The following LYPLAL1 variants were observed in gnomAD, a reference collection of about 807,000 sequenced individuals.
LYPLAL1 encodes lysophospholipase like 1, also known as lysophospholipase-like protein 1.
A neutral mutation model predicts 19.7 loss-of-function variants in LYPLAL1; 23 were observed. The observed-to-expected ratio is 1.17, with a 90% confidence interval of 0.84 to 1.65. The LOEUF is 1.65. Ranked by LOEUF, LYPLAL1 falls within the 40% of genes most tolerant of loss-of-function variation. The pLI is 0.00. For missense variants in LYPLAL1, 355 were observed against 279.4 expected (o/e 1.27, Z -1.93); for synonymous variants, 119 against 96.3 (o/e 1.24, Z -1.38).
the LYPLAL1 span, among the ~76,000 whole-genome samples, chr1:219,404,189 C>T: frequency 3.3e-5 from 5 of 152,104 alleles, no homozygotes; most frequent in African/African-American, 1.2e-4. Flanking sequence ...ATTCTCATGA[C>T]CTTATCTAAA....
chr1:219,284,922 A>G, the LYPLAL1 span, among the ~76,000 whole-genome samples: 2 of 152,248 alleles, frequency 1.3e-5, no homozygotes, highest in Non-Finnish European at 2.9e-5. Context: ...ATGCATTTGA[A>G]TATGAATTTT....
the LYPLAL1 span, among the ~76,000 whole-genome samples, chr1:219,317,045 TTATGTTATAGG>T: frequency 1.3e-5 from 2 of 152,334 alleles, no homozygotes; most frequent in African/African-American, 4.8e-5. Context: ...ATGGTCAATT[TTATGTTATAGG>T]TATTTTACCA....
the LYPLAL1 span, among the ~76,000 whole-genome samples, chr1:219,375,382 C>G: frequency 6.7e-6 from 1 of 150,342 alleles, no homozygotes; most frequent in Non-Finnish European, 1.5e-5. Context: ...AGGAGAATTG[C>G]TTGAACCCGG....
intron 2 of LYPLAL1, among the ~76,000 whole-genome samples, chr1:219,181,625 G>T (rs762229135): frequency 1.3e-5 from 2 of 152,178 alleles, no homozygotes; most frequent in Non-Finnish European, 2.9e-5. Flanking sequence ...AAGTGTGAGG[G>T]TGTGCAAGAA....
the LYPLAL1 span, among the ~76,000 whole-genome samples, chr1:219,289,660 TTC>T: frequency 6.6e-6 from 1 of 152,212 alleles, no homozygotes; most frequent in African/African-American, 2.4e-5. Flanking sequence ...TTCACCCACA[TTC>T]TGTTTTAGAT....
chr1:219,280,501 G>A, the LYPLAL1 span, among the ~76,000 whole-genome samples: 1 of 152,238 alleles, frequency 6.6e-6, no homozygotes, highest in East Asian at 1.9e-4. Context: ...GAGGGGAGAT[G>A]AAGGGATAAT....
chr1:219,315,980 A>C, the LYPLAL1 span, among the ~76,000 whole-genome samples: 49 of 152,330 alleles, frequency 3.2e-4, no homozygotes, highest in African/African-American at 1.2e-3. Context: ...CCCCATGGCA[A>C]GAAAAAATTT....
chr1:219,358,851 T>C, the LYPLAL1 span, among the ~76,000 whole-genome samples: 1 of 152,038 alleles, frequency 6.6e-6, no homozygotes, highest in African/African-American at 2.4e-5. Flanking sequence ...TGTGTGTGTG[T>C]GCGGTCATCT....
At chr1:219,344,211 T>A in the LYPLAL1 span, among the ~76,000 whole-genome samples, 6 of 152,284 alleles carry the variant, frequency 3.9e-5, no homozygotes, top group East Asian at 1.2e-3. Flanking sequence ...CCTACACCAT[T>A]TGCCTGCAGT....
the LYPLAL1 span, among the ~76,000 whole-genome samples, chr1:219,301,682 A>T: frequency 6.6e-6 from 1 of 152,174 alleles, no homozygotes; most frequent in Non-Finnish European, 1.5e-5. Context: ...CCCCCCAGAA[A>T]ATATAACATA....
the LYPLAL1 span, among the ~76,000 whole-genome samples, chr1:219,417,207 C>T: frequency 6.6e-6 from 1 of 151,640 alleles, no homozygotes. Context: ...ATTTGGAATT[C>T]ATTGGTATAG....
chr1:219,392,908 T>C, the LYPLAL1 span, among the ~76,000 whole-genome samples: 1 of 152,162 alleles, frequency 6.6e-6, no homozygotes, highest in African/African-American at 2.4e-5. Flanking sequence ...TCTAAGATAA[T>C]CTTTGAAAAA....
the LYPLAL1 span, among the ~76,000 whole-genome samples, chr1:219,282,365 C>T: frequency 1.3e-5 from 2 of 151,766 alleles, no homozygotes; most frequent in South Asian, 2.1e-4. Context: ...GTGAGCTCTC[C>T]AGCTACTAAT....
the LYPLAL1 span, among the ~76,000 whole-genome samples, chr1:219,433,438 A>C: frequency 1.3e-5 from 2 of 152,318 alleles, no homozygotes; most frequent in South Asian, 4.1e-4. Flanking sequence ...GCAGGGTAGA[A>C]ATGTACATCA....
chr1:219,270,322 C>A, the LYPLAL1 span, among the ~76,000 whole-genome samples: 2 of 152,222 alleles, frequency 1.3e-5, no homozygotes, highest in African/African-American at 4.8e-5. Context: ...GCTGAAGAGA[C>A]AGGGGTCCTG....
At chr1:219,389,028 T>C in the LYPLAL1 span, among the ~76,000 whole-genome samples, 1 of 152,214 alleles carries the variant, frequency 6.6e-6, no homozygotes, top group Admixed American at 6.5e-5. Context: ...ACATTTAAAA[T>C]ATTATTTTCA....
chr1:219,428,853 A>G, the LYPLAL1 span, among the ~76,000 whole-genome samples: 1 of 152,134 alleles, frequency 6.6e-6, no homozygotes, highest in Non-Finnish European at 1.5e-5. Context: ...AATTCTGCCC[A>G]TACTTTTATC....
chr1:219,288,050 A>G, the LYPLAL1 span, among the ~76,000 whole-genome samples: 1 of 152,158 alleles, frequency 6.6e-6, no homozygotes, highest in Non-Finnish European at 1.5e-5. Context: ...ACCCAGTCTC[A>G]GGTAGTTCTT....
chr1:219,391,039 C>A, the LYPLAL1 span, among the ~76,000 whole-genome samples: 1 of 152,138 alleles, frequency 6.6e-6, no homozygotes, highest in Non-Finnish European at 1.5e-5. Flanking sequence ...AAAAAGCCAA[C>A]AACAAAAGGT....
Sources: allele counts gnomAD v4.1 joint callset (sites outside exome capture counted in the v4.1 genomes callset), GRCh38; gene constraint gnomAD v4.1.1; transcripts MANE v1.5; gene names NCBI Gene and HGNC (gene_info 2026-07-23, HGNC 2026-07-21).